The following SLC36A1 variants were observed in gnomAD, a reference collection of about 807,000 sequenced individuals.
The protein encoded by SLC36A1 is proton-coupled amino acid transporter 1.
SLC36A1 carries 30 observed loss-of-function variants against 47.5 expected under a neutral mutation model. The ratio of observed to expected loss-of-function variants is 0.63; its 90% CI spans 0.47 to 0.86. The LOEUF (loss-of-function observed/expected upper bound fraction) is 0.86, where lower values mean the gene tolerates loss of function less well. Ranked by LOEUF, SLC36A1 falls within the 40% of genes least tolerant of loss-of-function variation. The pLI is 0.00. For synonymous variants in SLC36A1, 255 were observed against 249.7 expected (o/e 1.02, Z -0.20); for missense variants, 517 against 606.0 (o/e 0.85, Z 1.54).
the SLC36A1 span, chr5:151,517,875 AT>A: frequency 7.5e-7 from 1 of 1,331,802 alleles, no homozygotes; most frequent in Non-Finnish European, 1.0e-6. Flanking sequence ...CATTGCTCAT[AT>A]TTTATACATG....
At chr5:151,408,033 A>G in the SLC36A1 span, among the ~76,000 whole-genome samples, 1 of 152,228 alleles carries the variant, frequency 6.6e-6, no homozygotes, top group South Asian at 2.1e-4. Context: ...AGCAGGGATT[A>G]TTATCTTCAT....
chr5:151,399,381 T>C, the SLC36A1 span, among the ~76,000 whole-genome samples: 4 of 151,980 alleles, frequency 2.6e-5, no homozygotes, highest in African/African-American at 9.7e-5. Context: ...GCCACCGTAA[T>C]GTACATATAT....
the SLC36A1 span, among the ~76,000 whole-genome samples, chr5:151,417,526 C>A: frequency 2.0e-5 from 3 of 152,128 alleles, no homozygotes; most frequent in Non-Finnish European, 4.4e-5. Context: ...ATTTTGCCCC[C>A]AACCTAGAGA....
the SLC36A1 span, among the ~76,000 whole-genome samples, chr5:151,508,578 C>T: frequency 6.6e-6 from 1 of 152,094 alleles, no homozygotes; most frequent in Non-Finnish European, 1.5e-5. Context: ...GGTGTTATGG[C>T]ACATGCCTGT....
the SLC36A1 span, chr5:151,553,342 G>A: frequency 2.0e-5 from 33 of 1,614,092 alleles, no homozygotes; most frequent in Middle Eastern, 8.2e-4. Context: ...ATGTGTAGCC[G>A]GACACTGGCT....
At chr5:151,445,815 T>C (rs1400366102), upstream of SLC36A1, among the ~76,000 whole-genome samples, 1 of 152,214 alleles carries the variant, frequency 6.6e-6, no homozygotes, top group African/African-American at 2.4e-5. Flanking sequence ...TCTTTTTATT[T>C]CTGAAGCTTC....
chr5:151,536,220 A>C, the SLC36A1 span, among the ~76,000 whole-genome samples: 1 of 102,628 alleles, frequency 9.7e-6, no homozygotes, highest in Middle Eastern at 6.0e-3. Flanking sequence ...TTCCATATTC[A>C]GAAAAAAAAA....
the SLC36A1 span, among the ~76,000 whole-genome samples, chr5:151,507,825 C>T: frequency 6.6e-6 from 1 of 152,162 alleles, no homozygotes; most frequent in Non-Finnish European, 1.5e-5. Context: ...CATTTGTGAC[C>T]ATTAGGATCT....
chr5:151,413,325 CTCTT>C, the SLC36A1 span, among the ~76,000 whole-genome samples: 1 of 144,688 alleles, frequency 6.9e-6, no homozygotes, highest in Non-Finnish European at 1.5e-5. Context: ...TCTTTGGAGA[CTCTT>C]TACAGAGTTT....
At chr5:151,485,409 A>G (rs1176384407) in intron 10 of SLC36A1, among the ~76,000 whole-genome samples, 3 of 152,184 alleles carry the variant, frequency 2.0e-5, no homozygotes, top group Admixed American at 6.5e-5. Flanking sequence ...TCCACTTGAC[A>G]AAGCAGAAAG....
the SLC36A1 span, among the ~76,000 whole-genome samples, chr5:151,502,367 G>T: frequency 6.8e-6 from 1 of 147,984 alleles, no homozygotes; most frequent in Non-Finnish European, 1.5e-5. Context: ...AGAAGACAAG[G>T]CACAGACTGA....
the SLC36A1 span, among the ~76,000 whole-genome samples, chr5:151,529,003 G>T: frequency 2.6e-5 from 4 of 152,092 alleles, 1 homozygote; most frequent in Non-Finnish European, 5.9e-5. Context: ...TAGTTTGGCC[G>T]AGCATTGTTT....
the SLC36A1 span, chr5:151,543,035 A>T: frequency 6.2e-7 from 1 of 1,614,186 alleles, no homozygotes; most frequent in Non-Finnish European, 8.5e-7. Context: ...GGTGCAGAGA[A>T]AGTATACAAA....
In SLC36A1 at chr5:151,458,802, C is replaced by T. The variant is rs1755081272; in HGVS notation, c.10C>T (p.Gln4Ter). 1 of 1,614,004 alleles carries T rather than the reference C, an allele frequency of 6.2e-7. No individual in the cohort carries two copies. The highest frequency in any genetic ancestry group is 1.7e-5 in the Admixed American group (1 of 60,022). Residue 4 changes from glutamine (Q) to a stop codon, truncating the protein, a stop_gained, in exon 2 of 11, where the codon CAG becomes TAG. Transcript: ENST00000243389. LOFTEE classifies it high-confidence loss of function. MST[Q>*]RLRNEDYHDY... ...TGTCCCCCCAGCTGCCATGTCCACGCAGAGACTTCGGAATGAAGACTACCA... is the reference window on the plus strand; with the variant it reads ...TGTCCCCCCAGCTGCCATGTCCACGTAGAGACTTCGGAATGAAGACTACCA...
chr5:151,488,289 G>A lies in SLC36A1; in HGVS notation c.*35G>A. ...TTCGTCTCTGCAGCTGCCTACCCCTGCCCCATGTGTCCCCCGTTACCTGTC... is the reference window on the plus strand; with the variant it reads ...TTCGTCTCTGCAGCTGCCTACCCCTACCCCATGTGTCCCCCGTTACCTGTC... On this transcript the variant is annotated 3_prime_UTR_variant, in exon 11 of 11. Transcript: ENST00000243389. The A allele has an allele frequency of 6.2e-7, 1 of 1,604,548 alleles. No homozygotes were observed. Among genetic ancestry groups the A allele is most frequent in the Non-Finnish European group, 8.5e-7 (1 of 1,174,470 alleles).
At chr5:151,501,000 G>A in the SLC36A1 span, among the ~76,000 whole-genome samples, 3 of 152,224 alleles carry the variant, frequency 2.0e-5, no homozygotes, top group South Asian at 2.1e-4. Context: ...TTAAGAAGGC[G>A]TTCCCCATCC....
the SLC36A1 span, among the ~76,000 whole-genome samples, chr5:151,547,900 T>G: frequency 6.6e-6 from 1 of 152,228 alleles, no homozygotes; most frequent in African/African-American, 2.4e-5. Context: ...TTGTGTTCTT[T>G]ATACATTCCT....
chr5:151,492,946 G>A (rs951172686), downstream of SLC36A1, among the ~76,000 whole-genome samples: 5 of 152,122 alleles, frequency 3.3e-5, no homozygotes, highest in African/African-American at 9.7e-5. Context: ...CGACTCATAC[G>A]GTCATGGGAG....
chr5:151,388,046 G>GA, the SLC36A1 span, among the ~76,000 whole-genome samples: 23 of 152,282 alleles, frequency 1.5e-4, no homozygotes, highest in Admixed American at 1.1e-3. Context: ...TCTTGCAGGG[G>GA]AAAAAAGTCT....
Sources: allele counts gnomAD v4.1 joint callset (sites outside exome capture counted in the v4.1 genomes callset), GRCh38; gene constraint gnomAD v4.1.1; transcripts MANE v1.5; gene names NCBI Gene and HGNC (gene_info 2026-07-23, HGNC 2026-07-21).